TMEM150C: variants seen among roughly 807,000 people sequenced by gnomAD.
TMEM150C encodes transmembrane protein 150C.
TMEM150C carries 10 observed loss-of-function variants against 29.9 expected under a neutral mutation model. That is an observed-to-expected ratio of 0.33 (90% confidence interval 0.21 to 0.57). The LOEUF (loss-of-function observed/expected upper bound fraction) is 0.57. Among genes scored for constraint, TMEM150C ranks in the 20% least tolerant of loss-of-function variants. The pLI, the probability that TMEM150C is intolerant of heterozygous loss-of-function variation, is 0.88. For missense variants in TMEM150C, 251 were observed against 303.6 expected (o/e 0.83, Z 1.29); for synonymous variants, 101 against 112.5 (o/e 0.90, Z 0.64).
chr4:82,555,153 T>A (rs945235001), intron 1 of TMEM150C, among the ~76,000 whole-genome samples: 1 of 152,242 alleles, frequency 6.6e-6, no homozygotes, highest in Non-Finnish European at 1.5e-5. Flanking sequence ...ATTTCCAGCC[T>A]CACTTTCAAG....
intron 1 of TMEM150C, among the ~76,000 whole-genome samples, chr4:82,506,264 C>T (rs2110071004): frequency 6.6e-6 from 1 of 152,308 alleles, no homozygotes; most frequent in South Asian, 2.1e-4. Flanking sequence ...CGAACCAATC[C>T]CATCTGCAAC....
intron 5 of TMEM150C, among the ~76,000 whole-genome samples, chr4:82,499,890 C>T (rs1723682706): frequency 6.6e-6 from 1 of 152,008 alleles, no homozygotes; most frequent in South Asian, 2.1e-4. Context: ...TTTTGTTTGA[C>T]TCTTTATGCA....
intron 1 of TMEM150C, among the ~76,000 whole-genome samples, chr4:82,523,018 C>G (rs1401171086): frequency 1.3e-5 from 2 of 152,070 alleles, no homozygotes; most frequent in African/African-American, 4.8e-5. Flanking sequence ...GAGCCCTGAC[C>G]AAAGTTTAGT....
At chr4:82,545,862 T>C (rs1725367321) in intron 1 of TMEM150C, among the ~76,000 whole-genome samples, 1 of 151,270 alleles carries the variant, frequency 6.6e-6, no homozygotes, top group African/African-American at 2.4e-5. Context: ...GAGGCGGAGG[T>C]TGCAGTGAGC....
At chr4:82,533,543 A>G (rs1724918185) in intron 1 of TMEM150C, among the ~76,000 whole-genome samples, 1 of 152,196 alleles carries the variant, frequency 6.6e-6, no homozygotes, top group African/African-American at 2.4e-5. Context: ...TCTACCGTTT[A>G]TGTCTTAAAC....
At chr4:82,500,039 T>C (rs1371887106) in intron 5 of TMEM150C, among the ~76,000 whole-genome samples, 1 of 152,146 alleles carries the variant, frequency 6.6e-6, no homozygotes, top group African/African-American at 2.4e-5. Context: ...GGGCAGAAAA[T>C]TATATTCCTT....
chr4:82,503,198 A>T, intron 2 of TMEM150C, 86 bp from the exon 3 acceptor site: 1 of 901,374 alleles, frequency 1.1e-6, no homozygotes. Context: ...AACTGCACTA[A>T]TTCATATTCA....
At chr4:82,487,265 A>G (rs545337005) in intron 7 of TMEM150C, among the ~76,000 whole-genome samples, 63 of 152,298 alleles carry the variant, frequency 4.1e-4, no homozygotes, top group African/African-American at 1.5e-3. Flanking sequence ...CCTGGGCAAC[A>G]TGGCAAAACC....
intron 5 of TMEM150C, among the ~76,000 whole-genome samples, chr4:82,497,812 T>C (rs2110066686): frequency 6.6e-6 from 1 of 152,232 alleles, no homozygotes; most frequent in South Asian, 2.1e-4. Context: ...AGGCACAACG[T>C]CTTATTAATT....
intron 1 of TMEM150C, among the ~76,000 whole-genome samples, chr4:82,508,748 G>A (rs536819198): frequency 2.2e-4 from 34 of 152,246 alleles, no homozygotes; most frequent in African/African-American, 7.7e-4. Context: ...TTATAGGTGT[G>A]AGCCACTGCA....
At position 82,483,482 on chromosome 4, in the gene TMEM150C, T is replaced by C. The variant is rs1481430550; in HGVS notation, c.*2029A>G. ...ACAGGAGAATCTTGTTCTCAGCTTG[T>C]TCTTTTCCTCACATTTTACTTACAG... On this transcript the variant is annotated 3_prime_UTR_variant, in exon 8 of 8. Coordinates refer to ENST00000449862, the MANE Select transcript of TMEM150C (RefSeq NM_001080506.3). 2.0e-5 allele frequency: 3 copies of C among 152,232 alleles called. No individual in the cohort carries two copies. The highest frequency in any genetic ancestry group is 7.2e-5 in the African/African-American group (3 of 41,454). 9.4% of individuals were successfully genotyped at this position (152,232 alleles called of 1,614,324 possible). A position where few individuals can be genotyped will look rare whatever the true frequency, so the allele number is the denominator to read the frequency against.
chr4:82,518,307 C>T (rs560607222), intron 1 of TMEM150C, among the ~76,000 whole-genome samples: 6 of 151,730 alleles, frequency 4.0e-5, no homozygotes, highest in South Asian at 2.1e-4. Flanking sequence ...CAGAGCGAGA[C>T]CCCATCTCAA....
intron 1 of TMEM150C, among the ~76,000 whole-genome samples, chr4:82,518,792 C>G (rs1297094539): frequency 6.6e-6 from 1 of 152,164 alleles, no homozygotes; most frequent in Non-Finnish European, 1.5e-5. Context: ...CTGACTAATT[C>G]ACCTTTAAAG....
chr4:82,546,110 C>T (rs2110090010), intron 1 of TMEM150C, among the ~76,000 whole-genome samples: 1 of 152,292 alleles, frequency 6.6e-6, no homozygotes, highest in Admixed American at 6.5e-5. Flanking sequence ...GGAAAACATT[C>T]TATGCTCACA....
At chr4:82,527,184 CTGTG>C (rs1176323273) in intron 1 of TMEM150C, among the ~76,000 whole-genome samples, 2 of 151,982 alleles carry the variant, frequency 1.3e-5, no homozygotes, top group Non-Finnish European at 2.9e-5. Flanking sequence ...GTTTCCTTAC[CTGTG>C]TGTTTCCGGT....
chr4:82,502,514 A>C (rs1248504963), intron 5 of TMEM150C, among the ~76,000 whole-genome samples: 1 of 152,234 alleles, frequency 6.6e-6, no homozygotes, highest in Non-Finnish European at 1.5e-5. Context: ...AAGATGGTAA[A>C]GGGAAGAGAA....
intron 1 of TMEM150C, among the ~76,000 whole-genome samples, chr4:82,527,717 C>G (rs1724701105): frequency 6.6e-6 from 1 of 152,216 alleles, no homozygotes. Context: ...GTGAAGAAAA[C>G]AGCTTCACAC....
chr4:82,495,980 T>C, intron 6 of TMEM150C, 88 bp downstream of exon 6: 1 of 1,537,596 alleles, frequency 6.5e-7, no homozygotes. Context: ...ATGGGCCATA[T>C]GGTGATTATA....
chr4:82,546,666 A>G (rs1346325245), intron 1 of TMEM150C, among the ~76,000 whole-genome samples: 1 of 152,056 alleles, frequency 6.6e-6, no homozygotes, highest in African/African-American at 2.4e-5. Context: ...GTCTCTACTA[A>G]AAATACAAAA....
Sources: gnomAD v4.1 joint callset for allele counts (sites outside exome capture counted in the v4.1 genomes callset) on GRCh38, gnomAD v4.1.1 for gene constraint, MANE v1.5 for transcripts, NCBI Gene and HGNC (gene_info 2026-07-23, HGNC 2026-07-21) for gene names.